PPFIA2: variants seen among roughly 807,000 people sequenced by gnomAD.
The protein encoded by PPFIA2 is PPFI scaffold protein A2, also known as liprin-alpha-2.
Under a neutral mutation model 175.5 loss-of-function variants are expected in PPFIA2, and 46 were observed. The ratio of observed to expected loss-of-function variants is 0.26; its 90% CI spans 0.21 to 0.34. The LOEUF is 0.34. Ranked by LOEUF, PPFIA2 falls within the 10% of genes least tolerant of loss-of-function variation. PPFIA2 has a pLI of 1.00. For missense variants in PPFIA2, 1,179 were observed against 1,506.1 expected, an observed-to-expected ratio of 0.78 and a Z score of 3.60; for synonymous variants, 568 against 511.4, an observed-to-expected ratio of 1.11 and a Z score of -1.49.
At chr12:81,515,971 A>T (rs993112419) in intron 4 of PPFIA2, among the ~76,000 whole-genome samples, 122 of 149,354 alleles carry the variant, frequency 8.2e-4, no homozygotes, top group Non-Finnish European at 1.3e-3. Flanking sequence ...AGCATGCCAA[A>T]TTTTTTTTTT....
chr12:81,629,466 C>G (rs1348762561), intron 4 of PPFIA2, among the ~76,000 whole-genome samples: 1 of 152,042 alleles, frequency 6.6e-6, no homozygotes, highest in African/African-American at 2.4e-5. Flanking sequence ...CCTCTCTCAT[C>G]CATTCATTAC....
At chr12:81,504,142 A>C (rs1352720265) in intron 4 of PPFIA2, among the ~76,000 whole-genome samples, 1 of 152,088 alleles carries the variant, frequency 6.6e-6, no homozygotes, top group Non-Finnish European at 1.5e-5. Flanking sequence ...AGTCTTAATC[A>C]ATGCAAAATT....
chr12:81,435,074 T>C (rs2048744363), intron 7 of PPFIA2, among the ~76,000 whole-genome samples: 1 of 152,174 alleles, frequency 6.6e-6, no homozygotes, highest in Admixed American at 6.5e-5. Flanking sequence ...TATAGTAGTT[T>C]TGTATTCTTT....
chr12:81,472,002 AC>A (rs2056815140), intron 4 of PPFIA2, among the ~76,000 whole-genome samples: 1 of 152,208 alleles, frequency 6.6e-6, no homozygotes, highest in African/African-American at 2.4e-5. Context: ...ACAAATACAC[AC>A]AAGGAAATAT....
At chr12:81,499,952 T>G (rs2147356022) in intron 4 of PPFIA2, among the ~76,000 whole-genome samples, 1 of 152,260 alleles carries the variant, frequency 6.6e-6, no homozygotes, top group East Asian at 1.9e-4. Context: ...CACTCTGTGT[T>G]GCTATTTTCA....
intron 4 of PPFIA2, among the ~76,000 whole-genome samples, chr12:81,671,074 C>G (rs1014250539): frequency 6.6e-6 from 1 of 151,838 alleles, no homozygotes; most frequent in Admixed American, 6.6e-5. Context: ...CTTTAAATTT[C>G]CAAATCATTC....
At position 81,679,860 on chromosome 12, in the gene PPFIA2, G is replaced by T. The variant is rs572308859; in HGVS notation, c.250-3016C>A. On this transcript the variant is annotated intron_variant, in intron 3 of 32. Transcript: ENST00000549396. The stretch of plus-strand genomic sequence containing the variant: ...TGCATAATGAACATAAGTGTGCATG[G>T]ATACATTTATGTTGTAAAATAATAG... 4.6e-5 allele frequency among the ~76,000 whole-genome samples: 7 copies of T among 151,994 alleles called. No homozygotes were observed. In the East Asian group the frequency reaches 9.7e-4, roughly 21 times the overall value.
intron 3 of PPFIA2, among the ~76,000 whole-genome samples, chr12:81,702,203 AG>A (rs954703717): frequency 2.6e-5 from 4 of 151,410 alleles, no homozygotes; most frequent in Admixed American, 6.5e-5. Flanking sequence ...CTAGTGCCAC[AG>A]CACAGATTAT....
At chr12:81,655,151 T>C (rs928361574) in intron 4 of PPFIA2, among the ~76,000 whole-genome samples, 2 of 152,080 alleles carry the variant, frequency 1.3e-5, no homozygotes, top group African/African-American at 4.8e-5. Flanking sequence ...TATAGTGATA[T>C]ACTCTTACTG....
At chr12:81,346,728 C>A (rs951151237) in intron 18 of PPFIA2, among the ~76,000 whole-genome samples, 1 of 151,314 alleles carries the variant, frequency 6.6e-6, no homozygotes, top group Non-Finnish European at 1.5e-5. Context: ...TGGCTCTTAA[C>A]ACAAATAATG....
intron 4 of PPFIA2, among the ~76,000 whole-genome samples, chr12:81,496,319 T>G (rs2060016819): frequency 6.6e-6 from 1 of 152,138 alleles, no homozygotes; most frequent in South Asian, 2.1e-4. Context: ...TTGGAGTGAA[T>G]TAACAAAAAA....
intron 4 of PPFIA2, among the ~76,000 whole-genome samples, chr12:81,567,584 G>T (rs2071602505): frequency 6.6e-6 from 1 of 152,090 alleles, no homozygotes; most frequent in Admixed American, 6.6e-5. Flanking sequence ...CAATCACTTG[G>T]CCAATGATTC....
At chr12:81,407,197 AT>A (rs1450774692) in intron 7 of PPFIA2, among the ~76,000 whole-genome samples, 1 of 152,126 alleles carries the variant, frequency 6.6e-6, no homozygotes, top group Admixed American at 6.6e-5. Flanking sequence ...AACAAAACTA[AT>A]GTTTGGCCCA....
intron 7 of PPFIA2, chr12:81,431,059 A>G (rs2048013849): frequency 6.6e-6 from 1 of 152,226 alleles, no homozygotes; most frequent in African/African-American, 2.4e-5. Flanking sequence ...TGCACAGAGT[A>G]AAGGCAATAA....
At chr12:81,420,703 G>T (rs944722531) in intron 7 of PPFIA2, among the ~76,000 whole-genome samples, 7 of 151,788 alleles carry the variant, frequency 4.6e-5, no homozygotes, top group Non-Finnish European at 1.0e-4. Flanking sequence ...TATGCATTAT[G>T]GGAGTCCCAA....
intron 4 of PPFIA2, among the ~76,000 whole-genome samples, chr12:81,483,970 C>A (rs2058537751): frequency 6.6e-6 from 1 of 151,610 alleles, no homozygotes; most frequent in Non-Finnish European, 1.5e-5. Flanking sequence ...TGCCCTTGTG[C>A]AGAAGTTTGA....
At chr12:81,299,990 T>C (rs897648996) in intron 22 of PPFIA2, among the ~76,000 whole-genome samples, 1 of 152,182 alleles carries the variant, frequency 6.6e-6, no homozygotes, top group African/African-American at 2.4e-5. Context: ...ATGTAAGGTA[T>C]CAAATTCAAT....
chr12:81,442,696 T>G (rs1460890836), intron 6 of PPFIA2, among the ~76,000 whole-genome samples: 1 of 150,300 alleles, frequency 6.7e-6, no homozygotes, highest in East Asian at 2.0e-4. Flanking sequence ...AATTGGACAT[T>G]AATGATGAAA....
intron 4 of PPFIA2, among the ~76,000 whole-genome samples, chr12:81,498,484 G>A (rs1048357086): frequency 1.3e-5 from 2 of 152,030 alleles, no homozygotes; most frequent in Non-Finnish European, 2.9e-5. Flanking sequence ...GGATTTTTCT[G>A]GTATTTTTTC....
Sources: gnomAD v4.1 joint callset for allele counts (sites outside exome capture counted in the v4.1 genomes callset) on GRCh38, gnomAD v4.1.1 for gene constraint, MANE v1.5 for transcripts, NCBI Gene and HGNC (gene_info 2026-07-23, HGNC 2026-07-21) for gene names.